RORA: variants seen among roughly 807,000 people sequenced by gnomAD.
The protein encoded by RORA is RAR related orphan receptor A.
Under a neutral mutation model 69.5 loss-of-function variants are expected in RORA, and 7 were observed. That is an observed-to-expected ratio of 0.10 (90% CI 0.06 to 0.19). The LOEUF (loss-of-function observed/expected upper bound fraction) is 0.19. RORA is among the 10% of genes least tolerant of loss of function. The pLI is 1.00. For missense variants in RORA, 457 were observed against 663.0 expected (o/e 0.69, Z 3.41); for synonymous variants, 261 against 240.8 (o/e 1.08, Z -0.78).
chr15:61,211,442 C>G (rs113000173), intron 1 of RORA, among the ~76,000 whole-genome samples: 1 of 152,206 alleles, frequency 6.6e-6, no homozygotes, highest in East Asian at 1.9e-4. Flanking sequence ...CCAAGGCCTT[C>G]CCACTGTCAG....
At chr15:60,826,091 C>A (rs2072951563) in intron 1 of RORA, among the ~76,000 whole-genome samples, 1 of 152,176 alleles carries the variant, frequency 6.6e-6, no homozygotes, top group Non-Finnish European at 1.5e-5. Flanking sequence ...TATGAGGAAG[C>A]CACAGGCCCT....
Position 60,497,303 on chromosome 15 carries a change from T to G in RORA, c.*152A>C. 1 of 591,258 alleles carries G rather than the reference T, an allele frequency of 1.7e-6. No individual in the cohort carries two copies. The highest frequency in any genetic ancestry group is 2.9e-6 in the Non-Finnish European group (1 of 340,318). 36.6% of individuals were successfully genotyped at this position (591,258 alleles called of 1,614,324 possible). ...TCAACTTTTATTTGTTTTCATTGTT[T>G]CCCCTCCTTTGCCTGACCCCGATCA... On this transcript the variant is annotated 3_prime_UTR_variant, in exon 11 of 11. Transcript: ENST00000335670.
intron 1 of RORA, among the ~76,000 whole-genome samples, chr15:60,727,407 T>C (rs2071374621): frequency 6.6e-6 from 1 of 152,200 alleles, no homozygotes; most frequent in African/African-American, 2.4e-5. Context: ...ATTGCTGTAA[T>C]AGTTCTTAAC....
chr15:61,083,025 T>C (rs1158937716), intron 1 of RORA, among the ~76,000 whole-genome samples: 1 of 152,140 alleles, frequency 6.6e-6, no homozygotes, highest in African/African-American at 2.4e-5. Context: ...AAACAAAACC[T>C]TCCTTTTCGC....
chr15:61,070,302 G>A (rs1003689140), intron 1 of RORA, among the ~76,000 whole-genome samples: 1 of 152,116 alleles, frequency 6.6e-6, no homozygotes, highest in African/African-American at 2.4e-5. Flanking sequence ...TAGATACCTG[G>A]TACCTTCTAG....
At chr15:60,817,707 A>T (rs1481731371) in intron 1 of RORA, among the ~76,000 whole-genome samples, 2 of 152,076 alleles carry the variant, frequency 1.3e-5, no homozygotes, top group South Asian at 4.1e-4. Context: ...CTGCCTTCCC[A>T]TGTGTGGGCT....
chr15:61,140,602 G>A (rs1297683770), intron 1 of RORA, among the ~76,000 whole-genome samples: 3 of 152,026 alleles, frequency 2.0e-5, no homozygotes, highest in Non-Finnish European at 2.9e-5. Context: ...CCCTATGGGA[G>A]CCACTGGTGA....
intron 1 of RORA, among the ~76,000 whole-genome samples, chr15:60,857,265 C>T (rs1242568384): frequency 5.9e-5 from 9 of 152,248 alleles, no homozygotes; most frequent in Non-Finnish European, 1.5e-5. Context: ...GATAACATGG[C>T]ACTTCCCAGG....
At chr15:61,094,381 G>T (rs889308923) in intron 1 of RORA, among the ~76,000 whole-genome samples, 1 of 152,060 alleles carries the variant, frequency 6.6e-6, no homozygotes, top group Non-Finnish European at 1.5e-5. Context: ...AAATATGACC[G>T]TATGATCTAA....
intron 2 of RORA, among the ~76,000 whole-genome samples, chr15:60,588,709 G>T (rs1019296088): frequency 6.6e-6 from 1 of 152,156 alleles, no homozygotes; most frequent in Non-Finnish European, 1.5e-5. Context: ...ATATTAAAGA[G>T]CTAAGGTTTA....
At chr15:60,902,013 G>A (rs1229287673) in intron 1 of RORA, among the ~76,000 whole-genome samples, 5 of 152,144 alleles carry the variant, frequency 3.3e-5, no homozygotes, top group African/African-American at 1.2e-4. Context: ...TCACACCTTG[G>A]GAACCCGGAG....
At chr15:60,571,790 C>T (rs950322846) in intron 2 of RORA, among the ~76,000 whole-genome samples, 1 of 152,154 alleles carries the variant, frequency 6.6e-6, no homozygotes, top group Non-Finnish European at 1.5e-5. Flanking sequence ...AGCTATGTCA[C>T]CTTCTACGAT....
At position 61,125,888 on chromosome 15, in the gene RORA, G is replaced by A. The variant is rs539502084; in HGVS notation, c.166+103165C>T. On this transcript the variant is annotated intron_variant, in intron 1 of 10. Transcript: ENST00000335670. Reference sequence around the variant, plus strand: ...AGTGAAAAACCATCACATTTCCTGTGAGCAGGATTGTATTGCCACAGGAAT... The same window carrying A: ...AGTGAAAAACCATCACATTTCCTGTAAGCAGGATTGTATTGCCACAGGAAT... 2.6e-5 allele frequency among the ~76,000 whole-genome samples: 4 copies of A among 152,322 alleles called. No individual in the cohort carries two copies. In the East Asian group the frequency reaches 5.8e-4, roughly 22 times the overall value.
rs918794240 is a variant in RORA at position 60,534,451 on chromosome 15, G to A, written c.197-2600C>T. 2.6e-5 allele frequency among the ~76,000 whole-genome samples: 4 copies of A among 152,052 alleles called. No individual in the cohort carries two copies. Among genetic ancestry groups the A allele is most frequent in the African/African-American group, 9.7e-5 (4 of 41,362 alleles). On this transcript the variant is annotated intron_variant, in intron 2 of 10. Transcript: ENST00000335670. This position sits in a 1 kb window ranked among gnomAD's most constrained non-coding sequence, Gnocchi z 5.0. ...GATCTGTGGAGGCCAAGACGCTTAG[G>A]ATAAATGGACTCACTGTAGATTGAC...
intron 1 of RORA, among the ~76,000 whole-genome samples, chr15:60,758,526 G>C (rs1047162820): frequency 2.6e-5 from 4 of 152,082 alleles, no homozygotes; most frequent in Non-Finnish European, 5.9e-5. Flanking sequence ...TTGTTCCAAG[G>C]CTGGAGACCT....
At chr15:60,604,054 C>A (rs1440616139) in intron 2 of RORA, among the ~76,000 whole-genome samples, 2 of 149,246 alleles carry the variant, frequency 1.3e-5, no homozygotes, top group African/African-American at 2.5e-5. Context: ...AATCGCTTGA[C>A]CCTGGGAGGC....
At chr15:60,674,083 A>T (rs900280782) in intron 2 of RORA, among the ~76,000 whole-genome samples, 17 of 152,198 alleles carry the variant, frequency 1.1e-4, no homozygotes, top group Admixed American at 7.9e-4. Flanking sequence ...TCCTAATGGA[A>T]CACCCTGCCA....
intron 1 of RORA, among the ~76,000 whole-genome samples, chr15:61,183,664 A>T (rs988274513): frequency 2.0e-4 from 31 of 152,136 alleles, no homozygotes; most frequent in Admixed American, 1.6e-3. Context: ...AGTTTGCACT[A>T]GTTCTTCTTA....
chr15:60,596,015 G>A (rs1281068332), intron 2 of RORA, among the ~76,000 whole-genome samples: 2 of 152,186 alleles, frequency 1.3e-5, no homozygotes, highest in Non-Finnish European at 1.5e-5. Flanking sequence ...TTTTGCAGGA[G>A]TCTAGACGGT....
Sources: gnomAD v4.1 joint callset for allele counts (sites outside exome capture counted in the v4.1 genomes callset) on GRCh38, gnomAD v4.1.1 for gene constraint, Gnocchi (gnomAD v3.1) non-coding constraint, MANE v1.5 for transcripts, NCBI Gene and HGNC (gene_info 2026-07-23, HGNC 2026-07-21) for gene names.